ADAMTS16: variants seen among roughly 807,000 people sequenced by gnomAD.
The protein encoded by ADAMTS16 is A disintegrin and metalloproteinase with thrombospondin motifs 16.
A neutral mutation model predicts 145.8 loss-of-function variants in ADAMTS16; 94 were observed. That is an observed-to-expected ratio of 0.64 (90% CI 0.55 to 0.77). ADAMTS16 has a LOEUF of 0.77. ADAMTS16 is among the 30% of genes least tolerant of loss of function. The pLI is 0.00. For synonymous variants in ADAMTS16, 659 were observed against 604.3 expected (o/e 1.09, Z -1.33); for missense variants, 1,585 against 1,591.5 (o/e 1.00, Z 0.07).
chr5:5,209,331 T>A, intron 10 of ADAMTS16, 85 bp downstream of exon 10: 1 of 1,499,608 alleles, frequency 6.7e-7, no homozygotes, highest in African/African-American at 1.4e-5. Flanking sequence ...ATATTCTGCA[T>A]TTATTGGGTA....
rs75667719 is a variant in ADAMTS16, at chr5:5,287,575, G to A, written c.2790-15693G>A. 7.8e-3 allele frequency among the ~76,000 whole-genome samples: 1,185 copies of A among 152,274 alleles called. 9 individuals carry two copies. The highest frequency in any genetic ancestry group is 0.017 in the Middle Eastern group (5 of 294). ...GCAAGGTAACCACTAAGAAAGCGAC[G>A]TAGAGAGTTCTTGGATCCAATGATG... On this transcript the variant is annotated intron_variant, in intron 18 of 22. Coordinates refer to ENST00000274181, the MANE Select transcript of ADAMTS16 (RefSeq NM_139056.4).
chr5:5,235,157 A>G lies in ADAMTS16; in HGVS notation c.1994A>G (p.Tyr665Cys), dbSNP rs367670769. 3.2e-6 allele frequency: 5 copies of G among 1,584,970 alleles called. No individual in the cohort carries two copies. Among genetic ancestry groups the G allele is most frequent in the Non-Finnish European group, 3.5e-6 (4 of 1,156,960 alleles). Residue 665 changes from tyrosine to cysteine, a missense_variant, in exon 13 of 23, where the codon TAC (tyrosine) becomes TGC (cysteine). By Grantham distance (194) the Tyr-to-Cys change is radical. Transcript: ENST00000274181. ...HNSRRFRGRH[Y>C]KWKPYTQVED... ...AGCAGACGATTCAGAGGGCGGCACTACAAGTGGAAGCCTTACACTCAAGTA... is the reference window on the plus strand; with the variant it reads ...AGCAGACGATTCAGAGGGCGGCACTGCAAGTGGAAGCCTTACACTCAAGTA...
chr5:5,188,463 T>C (rs1735571609), intron 6 of ADAMTS16, among the ~76,000 whole-genome samples: 1 of 152,156 alleles, frequency 6.6e-6, no homozygotes, highest in South Asian at 2.1e-4. Context: ...CATGAACACC[T>C]TGTGGCCTAA....
intron 18 of ADAMTS16, among the ~76,000 whole-genome samples, chr5:5,286,154 T>C (rs1739092059): frequency 6.6e-6 from 1 of 152,224 alleles, no homozygotes; most frequent in Admixed American, 6.5e-5. Flanking sequence ...GGTCTTTAAA[T>C]ACAGCCTTTC....
At chr5:5,298,700 A>T (rs1467340452) in intron 18 of ADAMTS16, among the ~76,000 whole-genome samples, 2 of 152,204 alleles carry the variant, frequency 1.3e-5, no homozygotes, top group Non-Finnish European at 2.9e-5. Flanking sequence ...AAAGCATTCA[A>T]TTTACTTACA....
At position 5,306,644 on chromosome 5, in the gene ADAMTS16, C is replaced by T. The variant is rs199905954; in HGVS notation, c.3327C>T (p.Cys1109=). ...CCAGCCTGGAGCTGGAACGTGCCTG[C>T]GCCCCGCTTCCATGCCCCAGGCACC... is the stretch of plus-strand genomic sequence containing the variant. ...PKPSLELERA[C]APLPCPRHPP... The change falls in exon 21 of 23, where the codon TGC becomes TGT. Residue 1109 remains cysteine (C), a synonymous_variant. Transcript: ENST00000274181. 384 of 1,614,150 alleles carry T rather than the reference C, an allele frequency of 2.4e-4. No individual in the cohort carries two copies. The highest frequency in any genetic ancestry group is 3.1e-4 in the Non-Finnish European group (361 of 1,180,030).
intron 9 of ADAMTS16, among the ~76,000 whole-genome samples, chr5:5,200,644 C>CT (rs1168282595): frequency 6.6e-6 from 1 of 152,148 alleles, no homozygotes; most frequent in African/African-American, 2.4e-5. Flanking sequence ...TAAAGCATAA[C>CT]TTTTTTTGGT....
rs55703329 is a variant in ADAMTS16 at position 5,215,870 on chromosome 5, GTATATATATATATATATATATATATATA to G, written c.1605+6642_1605+6669del. ...ATATATATATATGTGGTGTGTATGT[GTATATATATATATATATATATATATATA>G]TATATATATATATATATCACAGTTT... On this transcript the variant is annotated intron_variant, in intron 10 of 22. Coordinates refer to ENST00000274181, the MANE Select transcript of ADAMTS16 (RefSeq NM_139056.4). Among the ~76,000 whole-genome samples the G allele has an allele frequency of 2.5e-4, 25 of 101,642 alleles. 2 individuals are homozygous for G. Among genetic ancestry groups the G allele is most frequent in the African/African-American group, 1.1e-3 (22 of 19,922 alleles). The allele number at this position is 101,642 out of a possible 152,430, so 66.7% of individuals were successfully genotyped here. A position where few individuals can be genotyped will look rare whatever the true frequency, so the allele number is the denominator to read the frequency against.
chr5:5,280,041 T>C (rs1429505653), intron 18 of ADAMTS16, among the ~76,000 whole-genome samples: 1 of 152,130 alleles, frequency 6.6e-6, no homozygotes, highest in Non-Finnish European at 1.5e-5. Context: ...AAAGTATTTT[T>C]ATCTGTAGAG....
chr5:5,252,125 AGGCGTG>A (rs1737648702), intron 17 of ADAMTS16, among the ~76,000 whole-genome samples: 2 of 152,206 alleles, frequency 1.3e-5, no homozygotes, highest in South Asian at 4.1e-4. Context: ...CTGGGATTGC[AGGCGTG>A]AGCCACCGTG....
chr5:5,150,716 G>A (rs191281243), intron 3 of ADAMTS16, among the ~76,000 whole-genome samples: 80 of 152,262 alleles, frequency 5.3e-4, no homozygotes, highest in Admixed American at 1.7e-3. Context: ...TCTTGAGAAC[G>A]GCAAGGAAGA....
At chr5:5,152,380 G>T (rs530655052) in intron 3 of ADAMTS16, among the ~76,000 whole-genome samples, 1 of 152,220 alleles carries the variant, frequency 6.6e-6, no homozygotes, top group Admixed American at 6.5e-5. Context: ...ATGGAGTGGA[G>T]GTATTCAGGG....
rs756225310 is a variant in ADAMTS16 at position 5,319,097 on chromosome 5, G to A, written c.3634G>A (p.Gly1212Ser). ...CGGGATGTGCAGCCACAAGTTCTAC[G>A]GCAAGCAGTGCTGCAAGACTTGCTC... ...QHGMCSHKFY[G>S]KQCCKTCSKS... is the part of the protein sequence containing the mutation. Residue 1212 changes from glycine (G) to serine (S), a missense_variant, in exon 23 of 23, where the codon GGC becomes AGC. Around this residue, in one of 3 missense-constraint regions of ADAMTS16, gnomAD observed 834 missense variants for 811.7 expected, o/e 1.03. Coordinates refer to ENST00000274181, the MANE Select transcript of ADAMTS16 (RefSeq NM_139056.4). 31 of 1,612,978 alleles carry A rather than the reference G, an allele frequency of 1.9e-5. No homozygotes were observed. Among genetic ancestry groups the A allele is most frequent in the South Asian group, 9.9e-5 (9 of 90,724 alleles).
At position 5,298,878 on chromosome 5, in the gene ADAMTS16, A is replaced by G. The variant is rs539486342; in HGVS notation, c.2790-4390A>G. 1.4e-4 allele frequency among the ~76,000 whole-genome samples: 22 copies of G among 152,338 alleles called. No individual in the cohort carries two copies. The South Asian group carries it at 4.1e-3, about 29-fold the overall frequency. ...AGTGTGTGAGTATCTGGGTATAGTC[A>G]GTGACACGAATGGTTTAATTTAGAA... On this transcript the variant is annotated intron_variant, in intron 18 of 22. Coordinates refer to ENST00000274181, the MANE Select transcript of ADAMTS16 (RefSeq NM_139056.4).
chr5:5,303,121 C>A, intron 18 of ADAMTS16, 147 bp from the exon 19 acceptor site: 1 of 821,186 alleles, frequency 1.2e-6, no homozygotes. Flanking sequence ...GGTAGGAATG[C>A]TCACCCAGGA....
chr5:5,196,124 G>A (rs1394427277), intron 8 of ADAMTS16, among the ~76,000 whole-genome samples: 1 of 151,288 alleles, frequency 6.6e-6, no homozygotes, highest in African/African-American at 2.4e-5. Context: ...TACTCAGGAG[G>A]CTGAGGCAGA....
In ADAMTS16 at chr5:5,292,221, C is replaced by G. The variant is rs12163941; in HGVS notation, c.2790-11047C>G. 4.5e-3 allele frequency among the ~76,000 whole-genome samples: 680 copies of G among 152,202 alleles called. 6 individuals carry two copies. The highest frequency in any genetic ancestry group is 0.014 in the African/African-American group (596 of 41,542). On this transcript the variant is annotated intron_variant, in intron 18 of 22. Transcript: ENST00000274181. The stretch of plus-strand genomic sequence containing the variant: ...TTCTAAAACACAAACCTGGGCCAGA[C>G]GCAGTGGCTCACGCCTGTAATCCCA...
chr5:5,151,268 T>A (rs1734449025), intron 3 of ADAMTS16, among the ~76,000 whole-genome samples: 1 of 151,732 alleles, frequency 6.6e-6, no homozygotes, highest in South Asian at 2.1e-4. Context: ...AGCTGGAGTC[T>A]CACCCTGTTG....
chr5:5,155,061 A>G (rs1734567296), intron 3 of ADAMTS16, among the ~76,000 whole-genome samples: 1 of 152,200 alleles, frequency 6.6e-6, no homozygotes, highest in African/African-American at 2.4e-5. Context: ...AAAGAGTCCA[A>G]ATGAAACCAA....
Sources: gnomAD v4.1 joint callset for allele counts (sites outside exome capture counted in the v4.1 genomes callset) on GRCh38, gnomAD v4.1.1 for gene constraint, gnomAD v4.1.1 regional missense constraint, MANE v1.5 for transcripts, NCBI Gene and HGNC (gene_info 2026-07-23, HGNC 2026-07-21) for gene names.